The following SECISBP2 variants were observed in gnomAD, a reference collection of about 807,000 sequenced individuals.
The protein encoded by SECISBP2 is selenocysteine insertion sequence-binding protein 2.
In SECISBP2, 96 loss-of-function variants were observed where a neutral mutation model predicts 98.2. The ratio of observed to expected loss-of-function variants is 0.98; its 90% CI spans 0.83 to 1.16. The LOEUF is 1.16. Among genes scored for constraint, SECISBP2 ranks in the 50% most tolerant of loss-of-function variants. SECISBP2 has a pLI of 0.00. For missense variants in SECISBP2, 1,046 were observed against 1,022.9 expected, an observed-to-expected ratio of 1.02 and a Z score of -0.31; for synonymous variants, 407 against 370.2, an observed-to-expected ratio of 1.10 and a Z score of -1.14.
intron 16 of SECISBP2, 71 bp downstream of exon 16, chr9:89,358,262 A>T: frequency 2.7e-6 from 4 of 1,479,720 alleles, no homozygotes. Flanking sequence ...AGGAGTCCCT[A>T]GGTGAGCAGC....
intron 10 of SECISBP2, among the ~76,000 whole-genome samples, 193 bp downstream of exon 10, chr9:89,341,672 T>G (rs1829677505): frequency 6.6e-6 from 1 of 152,226 alleles, no homozygotes; most frequent in African/African-American, 2.4e-5. Flanking sequence ...ACCAATTGAT[T>G]TTTCATAAGT....
chr9:89,319,052 A>G (rs1389774587), intron 1 of SECISBP2: 1 of 1,012,366 alleles, frequency 9.9e-7, no homozygotes, highest in Non-Finnish European at 1.2e-6. Context: ...TTAGACCCAT[A>G]AAATTCTCGG....
At chr9:89,325,102 G>A (rs1826463362) in intron 2 of SECISBP2, 1 of 361,706 alleles carries the variant, frequency 2.8e-6, no homozygotes, top group African/African-American at 2.1e-5. Context: ...TGGTCTTTAG[G>A]GGCATTTTGG....
intron 10 of SECISBP2, among the ~76,000 whole-genome samples, chr9:89,342,164 A>G (rs1192823844): frequency 6.6e-6 from 1 of 152,256 alleles, no homozygotes; most frequent in East Asian, 1.9e-4. Flanking sequence ...CAAGTGGTCA[A>G]TAAGTGCGTG....
At chr9:89,341,278 G>GT in intron 9 of SECISBP2, 69 bp from the exon 10 acceptor site, 10 of 1,462,630 alleles carry the variant, frequency 6.8e-6, no homozygotes, top group Admixed American at 1.8e-5. Flanking sequence ...CTTTACATCA[G>GT]TTTTTTGTAA....
rs1269306580 is a variant in SECISBP2, at chr9:89,326,044, A to G, written c.574+6A>G. ...TGAGAATAGTTTGAAATCAGGTAAA[A>G]ATAACCAACAATGTAGTATAATGCG... is the stretch of plus-strand genomic sequence containing the variant. On this transcript the variant is annotated splice_donor_region_variant and intron_variant, in intron 4 of 16. Transcript: ENST00000375807. The G allele has an allele frequency of 6.2e-7, 1 of 1,611,144 alleles. No individual in the cohort carries two copies.
chr9:89,341,930 A>G (rs1416023101), intron 10 of SECISBP2, among the ~76,000 whole-genome samples: 1 of 152,244 alleles, frequency 6.6e-6, no homozygotes, highest in African/African-American at 2.4e-5. Context: ...ATGGGCAACA[A>G]AAGAACAATA....
chr9:89,332,596 C>T, intron 5 of SECISBP2: 1 of 393,094 alleles, frequency 2.5e-6, no homozygotes, highest in Non-Finnish European at 4.7e-6. Context: ...TGGCTGCTTC[C>T]AAGTTGTGGC....
chr9:89,359,572 CAG>C lies in SECISBP2; in HGVS notation c.*751_*752del, dbSNP rs1489963240. The C allele has an allele frequency of 6.6e-6, 1 of 152,074 alleles. No individual in the cohort carries two copies. Among genetic ancestry groups the C allele is most frequent in the Non-Finnish European group, 1.5e-5 (1 of 68,006 alleles). The allele number at this position is 152,074 out of a possible 1,614,324, so 9.4% of individuals were successfully genotyped here. A position where few individuals can be genotyped will look rare whatever the true frequency, so the allele number is the denominator to read the frequency against. ...TGGTTTCTGTCTTAGACCAGGAGGA[CAG>C]AGTTTGCTTTCATATTTTCCCTGTA... On this transcript the variant is annotated 3_prime_UTR_variant, in exon 17 of 17. Coordinates refer to ENST00000375807, the MANE Select transcript of SECISBP2 (RefSeq NM_024077.5).
chr9:89,343,392 T>C (rs1303349997), intron 10 of SECISBP2, among the ~76,000 whole-genome samples: 1 of 152,208 alleles, frequency 6.6e-6, no homozygotes, highest in Non-Finnish European at 1.5e-5. Context: ...CATGCAGGTT[T>C]GTTATATAGG....
chr9:89,333,510 G>T (rs552518698), intron 6 of SECISBP2, among the ~76,000 whole-genome samples: 3 of 152,214 alleles, frequency 2.0e-5, no homozygotes, highest in Admixed American at 2.0e-4. Context: ...CTGCCATCTG[G>T]CTCTGTAGAT....
At chr9:89,343,486 A>G (rs1168950810) in intron 10 of SECISBP2, among the ~76,000 whole-genome samples, 1 of 151,920 alleles carries the variant, frequency 6.6e-6, no homozygotes, top group Non-Finnish European at 1.5e-5. Flanking sequence ...ATTTTTTCTG[A>G]TATTCTCCTT....
chr9:89,363,446 C>T, downstream of SECISBP2: 1 of 1,613,770 alleles, frequency 6.2e-7, no homozygotes, highest in Non-Finnish European at 8.5e-7. Context: ...CTTCCTCCAG[C>T]TCTGCATCAT....
intron 15 of SECISBP2, 103 bp from the exon 16 acceptor site, chr9:89,357,896 C>G (rs1451734218): frequency 1.6e-6 from 2 of 1,261,656 alleles, no homozygotes; most frequent in Non-Finnish European, 2.3e-6. Flanking sequence ...CACATTACCC[C>G]ATGTCACCCC....
At chr9:89,365,488 G>A in the SECISBP2 span, 3 of 152,230 alleles carry the variant, frequency 2.0e-5, no homozygotes, top group East Asian at 1.9e-4. Context: ...GACCAGTGCC[G>A]GCCATGGCCT....
chr9:89,332,041 A>G (rs1268189802), intron 5 of SECISBP2, among the ~76,000 whole-genome samples: 1 of 152,220 alleles, frequency 6.6e-6, no homozygotes, highest in Non-Finnish European at 1.5e-5. Flanking sequence ...TGGAAATTTT[A>G]ATTAGCATAT....
At chr9:89,333,312 A>G (rs1828060885) in intron 6 of SECISBP2, among the ~76,000 whole-genome samples, 1 of 152,222 alleles carries the variant, frequency 6.6e-6, no homozygotes, top group Non-Finnish European at 1.5e-5. Flanking sequence ...TGAGAACCCC[A>G]AAGAGCTCTT....
Position 89,319,673 on chromosome 9 carries a change from G to A in SECISBP2, c.58G>A (p.Val20Ile), listed in dbSNP as rs755069042. 1 of 1,614,216 alleles carries A rather than the reference G, an allele frequency of 6.2e-7. No individual in the cohort carries two copies. The highest frequency in any genetic ancestry group is 1.1e-5 in the South Asian group (1 of 91,084). ...ESEGIKLSAD[V>I]KPFVPRFAGL... is the part of the protein sequence containing the mutation. ...TCAGGGCATCAAGTTATCAGCAGAT[G>A]TCAAACCATTTGTCCCCAGATTTGC... The change falls in exon 2 of 17, where the codon GTC (valine) becomes ATC (isoleucine). Residue 20 changes from valine (V) to isoleucine (I), a missense_variant. Val to Ile is a conservative substitution (Grantham distance 29). Coordinates refer to ENST00000375807, the MANE Select transcript of SECISBP2 (RefSeq NM_024077.5).
At chr9:89,326,292 A>G (rs1029621731) in intron 4 of SECISBP2, among the ~76,000 whole-genome samples, 1 of 152,220 alleles carries the variant, frequency 6.6e-6, no homozygotes, top group Non-Finnish European at 1.5e-5. Flanking sequence ...ATTATTTGGT[A>G]TATACATTTT....
Sources: allele counts gnomAD v4.1 joint callset (sites outside exome capture counted in the v4.1 genomes callset), GRCh38; gene constraint gnomAD v4.1.1; transcripts MANE v1.5; gene names NCBI Gene and HGNC (gene_info 2026-07-23, HGNC 2026-07-21).